Variants in PRDM4 observed in about 807,000 individuals in gnomAD.
PRDM4 encodes PR domain zinc finger protein 4.
A neutral mutation model predicts 62.3 loss-of-function variants in PRDM4; 38 were observed. The observed-to-expected ratio is 0.61, with a 90% CI of 0.47 to 0.80. The LOEUF (loss-of-function observed/expected upper bound fraction) is 0.80. PRDM4 is among the 30% of genes least tolerant of loss of function. PRDM4 has a pLI of 0.00. For missense variants in PRDM4, 858 were observed against 997.1 expected (o/e 0.86, Z 1.88); for synonymous variants, 339 against 348.2 (o/e 0.97, Z 0.30).
intron 3 of PRDM4, among the ~76,000 whole-genome samples, chr12:107,755,911 C>A (rs1425702827): frequency 1.3e-5 from 2 of 152,134 alleles, no homozygotes; most frequent in Non-Finnish European, 2.9e-5. Flanking sequence ...ATGGTGAAAC[C>A]CCGTTTCTAC....
chr12:107,760,615 AACCGCTGC>A lies in PRDM4; in HGVS notation c.-108_-101del, dbSNP rs1287517790. 6.8e-7 allele frequency: 1 copy of A among 1,479,420 alleles called. No individual in the cohort carries two copies. The highest frequency in any genetic ancestry group is 9.2e-7 in the Non-Finnish European group (1 of 1,083,314). 91.6% of individuals were successfully genotyped at this position (1,479,420 alleles called of 1,614,324 possible). Reference sequence around the variant, plus strand: ...TCACGTGCTACCACATCTTGCTCACAACCGCTGCACCGACGCGGCCACTCGTCCCCGGG... The same window carrying A: ...TCACGTGCTACCACATCTTGCTCACAACCGACGCGGCCACTCGTCCCCGGG... On this transcript the variant is annotated 5_prime_UTR_variant, in exon 2 of 12. The change abolishes the stop of an existing upstream ORF in the 5' untranslated region. Transcript: ENST00000228437.
chr12:107,755,090 AT>A (rs879496922), intron 3 of PRDM4, among the ~76,000 whole-genome samples: 231 of 146,212 alleles, frequency 1.6e-3, no homozygotes, highest in East Asian at 4.0e-3. Flanking sequence ...CAGGGGCAAT[AT>A]TTTTTTTTTT....
Position 107,734,358 on chromosome 12 carries a change from T to C in PRDM4, c.2258A>G (p.Lys753Arg), listed in dbSNP as rs200596155. ...TGCTGACGAACTGGAGGTGGGCCCT[T>C]TGCAGGTTTTCAGGTGGCGGGTGAG... ...YHLTRHLKTC[K>R]GPTSSSSAPE... Residue 753 changes from lysine to arginine, a missense_variant, in exon 12 of 12, where the codon AAA becomes AGA. Around this residue, in one of 3 missense-constraint regions of PRDM4, gnomAD observed 355 missense variants for 432.6 expected, o/e 0.82. Transcript: ENST00000228437. 162 of 1,614,182 alleles carry C rather than the reference T, an allele frequency of 1.0e-4. No individual in the cohort carries two copies. The highest frequency in any genetic ancestry group is 6.6e-4 in the Middle Eastern group (4 of 6,060).
Position 107,741,031 on chromosome 12 carries a change from C to T in PRDM4, c.1839G>A (p.Met613Ile), listed in dbSNP as rs756197936. Residue 613 changes from methionine to isoleucine, a missense_variant, in exon 10 of 12, where the codon ATG becomes ATA. By Grantham distance (10) the Met-to-Ile change is conservative. Coordinates refer to ENST00000228437, the MANE Select transcript of PRDM4 (RefSeq NM_012406.4). The stretch of plus-strand genomic sequence containing the variant: ...AATCACACTTGTGGGGCTTCATACC[C>T]ATGTGACCCATAAAGTGGACATGAA... ...SKLHVHFMGHMGMKPHKCDFC... is the reference protein window; with the variant it reads ...SKLHVHFMGHIGMKPHKCDFC... 6.2e-7 allele frequency: 1 copy of T among 1,614,180 alleles called. No homozygotes were observed. Among genetic ancestry groups the T allele is most frequent in the Non-Finnish European group, 8.5e-7 (1 of 1,180,040 alleles).
chr12:107,760,636 A>C lies in PRDM4; in HGVS notation c.-121T>G. 7.7e-7 allele frequency: 1 copy of C among 1,295,678 alleles called. No individual in the cohort carries two copies. The allele number at this position is 1,295,678 out of a possible 1,614,324, so 80.3% of individuals were successfully genotyped here. A position where few individuals can be genotyped will look rare whatever the true frequency, so the allele number is the denominator to read the frequency against. On this transcript the variant is annotated 5_prime_UTR_variant, in exon 2 of 12. Transcript: ENST00000228437. ...TCACAACCGCTGCACCGACGCGGCC[A>C]CTCGTCCCCGGGGTCGCCCGGGGCC...
intron 6 of PRDM4, among the ~76,000 whole-genome samples, chr12:107,745,359 C>T (rs1335349516): frequency 1.3e-5 from 2 of 152,076 alleles, no homozygotes; most frequent in East Asian, 1.9e-4. Flanking sequence ...GCCAGGAGTT[C>T]GAAACCAGCC....
intron 5 of PRDM4, among the ~76,000 whole-genome samples, chr12:107,747,313 CG>C (rs1890738910): frequency 1.3e-5 from 2 of 150,936 alleles, no homozygotes; most frequent in Admixed American, 1.3e-4. Flanking sequence ...AATATGGCCA[CG>C]GTGGTACAGC....
At position 107,743,272 on chromosome 12, in the gene PRDM4, T is replaced by C. The variant is rs748301138; in HGVS notation, c.1406A>G (p.Asn469Ser). Reference protein sequence around the residue: ...AVNHIWKIYHNGVLEFCIITT... With the variant: ...AVNHIWKIYHSGVLEFCIITT... ...AATGATGCAGAATTCTAGGACACCA[T>C]TGTGGTATATCTGCCAACAGAAAGC... Residue 469 changes from asparagine to serine, a missense_variant, in exon 8 of 12, where the codon AAT (asparagine) becomes AGT (serine). Physicochemically the swap from Asn to Ser is conservative, Grantham distance 46. Transcript: ENST00000228437. 29 of 1,610,850 alleles carry C rather than the reference T, an allele frequency of 1.8e-5. No individual in the cohort carries two copies. The highest frequency in any genetic ancestry group is 8.8e-5 in the South Asian group (8 of 91,028).
At chr12:107,757,352 C>T (rs1891095848) in intron 2 of PRDM4, among the ~76,000 whole-genome samples, 1 of 152,084 alleles carries the variant, frequency 6.6e-6, no homozygotes, top group Admixed American at 6.6e-5. Flanking sequence ...TTATTTCAAA[C>T]CAGTAGTGTT....
chr12:107,739,077 C>T (rs971641808), intron 11 of PRDM4: 2 of 248,598 alleles, frequency 8.0e-6, no homozygotes, highest in African/African-American at 2.2e-5. Flanking sequence ...TGCACACTAT[C>T]GTCTAACTAT....
intron 11 of PRDM4, among the ~76,000 whole-genome samples, chr12:107,737,379 C>A (rs923236742): frequency 6.6e-6 from 1 of 152,160 alleles, no homozygotes; most frequent in African/African-American, 2.4e-5. Context: ...TTTGAGGGAA[C>A]AGTGCTTCTT....
intron 5 of PRDM4, among the ~76,000 whole-genome samples, chr12:107,747,335 C>T (rs1890739696): frequency 6.6e-6 from 1 of 151,430 alleles, no homozygotes; most frequent in Non-Finnish European, 1.5e-5. Flanking sequence ...TGGCTCTGAC[C>T]CCAGTGACCT....
chr12:107,735,402 T>A (rs773419057), intron 11 of PRDM4, among the ~76,000 whole-genome samples: 1 of 152,216 alleles, frequency 6.6e-6, no homozygotes, highest in Non-Finnish European at 1.5e-5. Flanking sequence ...AGCCAGTACA[T>A]AATGGTATCT....
Position 107,740,999 on chromosome 12 carries a change from C to G in PRDM4, c.1871G>C (p.Ser624Thr). The G allele has an allele frequency of 6.2e-7, 1 of 1,614,152 alleles. No homozygotes were observed. The highest frequency in any genetic ancestry group is 8.5e-7 in the Non-Finnish European group (1 of 1,180,016). Residue 624 changes from serine (S) to threonine (T), a missense_variant, in exon 10 of 12, where the codon AGC (serine) becomes ACC (threonine). Around this residue, in one of 3 missense-constraint regions of PRDM4, gnomAD observed 355 missense variants for 432.6 expected, o/e 0.82. Transcript: ENST00000228437. The stretch of plus-strand genomic sequence containing the variant: ...GTTGCTGGGATCACTAAAAGCCTTG[C>G]TACAGAAATCACACTTGTGGGGCTT... ...GMKPHKCDFC[S>T]KAFSDPSNLR... is the part of the protein sequence containing the mutation.
intron 7 of PRDM4, among the ~76,000 whole-genome samples, chr12:107,743,748 C>T (rs2160591): frequency 0.18 from 28,106 of 152,196 alleles, 3,636 homozygotes; most frequent in East Asian, 0.52. Context: ...TTTCTCCTTA[C>T]TTCAATTTCG....
Position 107,751,469 on chromosome 12 carries a change from G to A in PRDM4, c.1072C>T (p.Gln358Ter). 1 of 1,613,336 alleles carries A rather than the reference G, an allele frequency of 6.2e-7. No individual in the cohort carries two copies. Among genetic ancestry groups the A allele is most frequent in the Non-Finnish European group, 8.5e-7 (1 of 1,179,290 alleles). ...DSLSFVSPSL[Q>*]MEDSNSNKEN... ...TTGTTTGAATTGGAGTCTTCCATTT[G>A]CAGTGAAGGTGATACAAAAGAAAGA... The change falls in exon 5 of 12, where the codon CAA becomes TAA. Residue 358 changes from glutamine to a stop codon, truncating the protein, a stop_gained. Coordinates refer to ENST00000228437, the MANE Select transcript of PRDM4 (RefSeq NM_012406.4). LOFTEE classifies it high-confidence loss of function.
chr12:107,752,299 C>G (rs1376730080), intron 4 of PRDM4, 90 bp from the exon 5 acceptor site: 1 of 917,506 alleles, frequency 1.1e-6, no homozygotes, highest in Non-Finnish European at 1.7e-6. Flanking sequence ...ACAAACATAA[C>G]TAAGTTCAAA....
At chr12:107,740,643 G>T (rs904024360) in intron 10 of PRDM4, among the ~76,000 whole-genome samples, 2 of 152,140 alleles carry the variant, frequency 1.3e-5, no homozygotes, top group Non-Finnish European at 2.9e-5. Context: ...ACTGGGGGGT[G>T]AGCTCTAATG....
chr12:107,751,666 A>C lies in PRDM4; in HGVS notation c.875T>G (p.Val292Gly). ...DSALSDSIHT[V>G]AMSTNSVSVA... ...GCTTACAGAGTTGGTGCTCATGGCC[A>C]CAGTGTGAATGGAGTCACTGAGGGC... The change falls in exon 5 of 12, where the codon GTG becomes GGG. Residue 292 changes from valine (V) to glycine (G), a missense_variant. Coordinates refer to ENST00000228437, the MANE Select transcript of PRDM4 (RefSeq NM_012406.4). 8 of 1,614,186 alleles carry C rather than the reference A, an allele frequency of 5.0e-6. No individual in the cohort carries two copies. Among genetic ancestry groups the C allele is most frequent in the Non-Finnish European group, 5.9e-6 (7 of 1,180,032 alleles).
Sources: allele counts gnomAD v4.1 joint callset (sites outside exome capture counted in the v4.1 genomes callset), GRCh38; gene constraint gnomAD v4.1.1; regional missense constraint gnomAD v4.1.1; transcripts MANE v1.5; gene names NCBI Gene and HGNC (gene_info 2026-07-23, HGNC 2026-07-21).